Variants in RANBP2 observed in about 807,000 individuals in gnomAD.
RANBP2 encodes E3 SUMO-protein ligase RanBP2.
In RANBP2, 57 loss-of-function variants were observed where a neutral mutation model predicts 303.6. That is an observed-to-expected ratio of 0.19 (90% CI 0.15 to 0.23). The LOEUF (loss-of-function observed/expected upper bound fraction) is 0.23, where lower values mean the gene tolerates loss of function less well. RANBP2 is among the 10% of genes least tolerant of loss of function. The probability of loss-of-function intolerance (pLI) is 1.00; values close to 1 mark genes in which losing one functional copy is unlikely to be tolerated. For synonymous variants in RANBP2, 1,167 were observed against 1,301.5 expected (o/e 0.90, Z 2.23); for missense variants, 3,138 against 3,780.8 (o/e 0.83, Z 4.46).
At chr2:109,579,741 C>A in the RANBP2 span, among the ~76,000 whole-genome samples, 1 of 151,984 alleles carries the variant, frequency 6.6e-6, no homozygotes. Flanking sequence ...TAACTCTAAT[C>A]TTATGCAAAT....
chr2:108,950,880 C>A, the RANBP2 span, among the ~76,000 whole-genome samples: 1 of 152,260 alleles, frequency 6.6e-6, no homozygotes, highest in Admixed American at 6.5e-5. Context: ...GGCCTTCACA[C>A]ATCCACATTA....
chr2:108,798,796 TTCC>T, the RANBP2 span, among the ~76,000 whole-genome samples: 7 of 120,688 alleles, frequency 5.8e-5, no homozygotes, highest in Middle Eastern at 4.5e-3. Flanking sequence ...TCTCCTTCCC[TTCC>T]TCCTCCTCTC....
chr2:108,970,914 C>A, the RANBP2 span, among the ~76,000 whole-genome samples: 1 of 152,200 alleles, frequency 6.6e-6, no homozygotes, highest in Non-Finnish European at 1.5e-5. Flanking sequence ...TAATTCTTTT[C>A]TTTCCCTGTG....
chr2:109,435,912 G>C, the RANBP2 span, among the ~76,000 whole-genome samples: 30 of 152,318 alleles, frequency 2.0e-4, no homozygotes, highest in African/African-American at 7.0e-4. Context: ...TGGGGAAGGA[G>C]GACACCACCC....
the RANBP2 span, among the ~76,000 whole-genome samples, chr2:109,368,743 CGAAA>C: frequency 1.3e-5 from 2 of 148,308 alleles, no homozygotes; most frequent in African/African-American, 5.0e-5. Context: ...AAAGAAAGAA[CGAAA>C]GAAACAAAAT....
the RANBP2 span, among the ~76,000 whole-genome samples, chr2:109,723,987 G>A: frequency 4.6e-5 from 7 of 152,040 alleles, no homozygotes; most frequent in Non-Finnish European, 1.0e-4. Flanking sequence ...TCTGCTTATG[G>A]CTAGCTGGTT....
chr2:108,989,815 T>TC, the RANBP2 span, among the ~76,000 whole-genome samples: 3 of 150,914 alleles, frequency 2.0e-5, no homozygotes, highest in Non-Finnish European at 4.4e-5. Flanking sequence ...AGTAAATGAT[T>TC]GGGGGGGGGA....
chr2:109,100,901 C>G, the RANBP2 span, among the ~76,000 whole-genome samples: 1 of 152,168 alleles, frequency 6.6e-6, no homozygotes. Flanking sequence ...GTTAGGAATG[C>G]AAGCAGAGAT....
the RANBP2 span, among the ~76,000 whole-genome samples, chr2:109,087,119 A>G: frequency 1.3e-5 from 2 of 152,222 alleles, no homozygotes; most frequent in Admixed American, 1.3e-4. Context: ...TCCCTGGGCC[A>G]GAAAGAGCCC....
the RANBP2 span, among the ~76,000 whole-genome samples, chr2:109,589,191 G>A: frequency 6.6e-6 from 1 of 151,950 alleles, no homozygotes; most frequent in South Asian, 2.1e-4. Context: ...CACCCAGGCT[G>A]GAGTGCAGTC....
intron 6 of RANBP2, among the ~76,000 whole-genome samples, chr2:108,739,606 A>G (rs1182432234): frequency 6.6e-6 from 1 of 152,082 alleles, no homozygotes; most frequent in Non-Finnish European, 1.5e-5. Flanking sequence ...TTCACGTTTA[A>G]GTGTTTGCTT....
chr2:109,297,213 G>T, the RANBP2 span, among the ~76,000 whole-genome samples: 1 of 151,938 alleles, frequency 6.6e-6, no homozygotes, highest in Non-Finnish European at 1.5e-5. Context: ...AAGACCCTGC[G>T]ATTCATTCAG....
At chr2:109,066,439 C>T in the RANBP2 span, among the ~76,000 whole-genome samples, 1 of 152,076 alleles carries the variant, frequency 6.6e-6, no homozygotes, top group Non-Finnish European at 1.5e-5. Flanking sequence ...ATGCCCTCTC[C>T]ATCCACACCT....
the RANBP2 span, among the ~76,000 whole-genome samples, chr2:109,335,871 T>A: frequency 1.3e-5 from 2 of 152,168 alleles, no homozygotes; most frequent in Admixed American, 6.5e-5. Flanking sequence ...TTAGAAAACT[T>A]GAAAGCATAA....
the RANBP2 span, among the ~76,000 whole-genome samples, chr2:109,214,412 G>A: frequency 6.6e-6 from 1 of 150,494 alleles, no homozygotes; most frequent in Non-Finnish European, 1.5e-5. Flanking sequence ...TAACAAACCT[G>A]CACACTGTGT....
At chr2:109,426,986 T>C in the RANBP2 span, among the ~76,000 whole-genome samples, 1 of 139,674 alleles carries the variant, frequency 7.2e-6, no homozygotes, top group Non-Finnish European at 1.6e-5. Context: ...ATATTTTTTT[T>C]TGAGACGAGT....
At chr2:109,499,410 G>T in the RANBP2 span, among the ~76,000 whole-genome samples, 243 of 152,342 alleles carry the variant, frequency 1.6e-3, 2 homozygotes, top group African/African-American at 5.7e-3. Flanking sequence ...TGGGATCTGG[G>T]CTTTAGATGT....
chr2:109,383,068 T>A, the RANBP2 span, among the ~76,000 whole-genome samples: 9 of 152,194 alleles, frequency 5.9e-5, no homozygotes, highest in Admixed American at 5.2e-4. Flanking sequence ...CGGTGTCAGA[T>A]TCCATGCAGC....
At chr2:109,319,348 A>C in the RANBP2 span, among the ~76,000 whole-genome samples, 14 of 152,330 alleles carry the variant, frequency 9.2e-5, no homozygotes, top group Non-Finnish European at 1.9e-4. Context: ...GTTGACTGCA[A>C]AGAGACAATG....
Sources: allele counts gnomAD v4.1 joint callset (sites outside exome capture counted in the v4.1 genomes callset), GRCh38; gene constraint gnomAD v4.1.1; transcripts MANE v1.5; gene names NCBI Gene and HGNC (gene_info 2026-07-23, HGNC 2026-07-21).